WNK3: variants seen among roughly 807,000 people sequenced by gnomAD.
WNK3 encodes WNK lysine deficient protein kinase 3.
WNK3 carries 18 observed loss-of-function variants against 116.7 expected under a neutral mutation model. The ratio of observed to expected loss-of-function variants is 0.15; its 90% CI spans 0.11 to 0.23. The LOEUF (loss-of-function observed/expected upper bound fraction) is 0.23. WNK3 is among the 10% of genes least tolerant of loss of function. The pLI is 1.00. For synonymous variants in WNK3, 404 were observed against 469.4 expected, an observed-to-expected ratio of 0.86 and a Z score of 1.80; for missense variants, 993 against 1,323.8, an observed-to-expected ratio of 0.75 and a Z score of 3.88.
chrX:54,216,294 T>A (rs1233941630), intron 22 of WNK3, among the ~76,000 whole-genome samples: 3 of 73,923 alleles, frequency 4.1e-5, no homozygotes, highest in African/African-American at 2.1e-4. Context: ...AATACTAAAA[T>A]ATATATATAT....
intron 11 of WNK3, among the ~76,000 whole-genome samples, chrX:54,257,789 CAAAAAAAAAAAA>C (rs60655785): frequency 2.6e-4 from 4 of 15,664 alleles, no homozygotes; most frequent in African/African-American, 1.3e-3. Context: ...GACTCTGCCT[CAAAAAAAAAAAA>C]AAAAAAAAAA....
At chrX:54,308,849 T>C (rs11796717) in intron 4 of WNK3, among the ~76,000 whole-genome samples, 23 of 112,101 alleles carry the variant, frequency 2.1e-4, no homozygotes, top group Non-Finnish European at 3.8e-4. Flanking sequence ...GTAAACTGTT[T>C]AGGTTTTGCA....
At chrX:54,300,706 T>C (rs1189630311) in intron 6 of WNK3, among the ~76,000 whole-genome samples, 5 of 111,901 alleles carry the variant, frequency 4.5e-5, no homozygotes, top group African/African-American at 1.6e-4. Context: ...CTATATAGTG[T>C]TTTTAGCTTC....
At chrX:54,230,305 G>T (rs557518077) in intron 21 of WNK3, among the ~76,000 whole-genome samples, 1 of 110,974 alleles carries the variant, frequency 9.0e-6, no homozygotes, top group East Asian at 2.8e-4. Context: ...TTATCTCAAT[G>T]AAAATTTCAA....
intron 20 of WNK3, among the ~76,000 whole-genome samples, chrX:54,234,720 G>A (rs782185359): frequency 6.4e-5 from 7 of 108,861 alleles, no homozygotes; most frequent in Non-Finnish European, 1.1e-4. Context: ...CAGCTACTTG[G>A]GAGGCTGAGG....
chrX:54,237,075 T>A (rs1164114808), exon 20 of WNK3: 2 of 1,210,646 alleles, frequency 1.7e-6, no homozygotes, highest in Non-Finnish European at 2.2e-6. Context: ...CGTGGTGTGG[T>A]AAGCACTGAT....
chrX:54,311,028 T>C (rs1557169562), intron 3 of WNK3, 91 bp downstream of exon 3: 2 of 678,976 alleles, frequency 2.9e-6, no homozygotes, highest in African/African-American at 4.6e-5. Flanking sequence ...TTCTAAAAAT[T>C]CTTTGAGTAG....
intron 10 of WNK3, among the ~76,000 whole-genome samples, chrX:54,288,761 A>G (rs2068607462): frequency 9.0e-6 from 1 of 111,521 alleles, no homozygotes; most frequent in South Asian, 3.8e-4. Context: ...GTGTCTGTGT[A>G]TCTAAGGTTG....
rs192676193 is a variant in WNK3 at position 54,318,870 on chromosome X, G to A, written c.538-7579C>T. On this transcript the variant is annotated intron_variant, in intron 2 of 23. Transcript: ENST00000354646. Reference sequence around the variant, plus strand: ...CGGTTCACTGCAACCTCCACTTCCCGGGATCAAGCGATTCTCGTGCCTCAG... The same window carrying A: ...CGGTTCACTGCAACCTCCACTTCCCAGGATCAAGCGATTCTCGTGCCTCAG... Among the ~76,000 whole-genome samples, 403 of 109,337 alleles carry A rather than the reference G, an allele frequency of 3.7e-3. 4 individuals are homozygous for A. Among genetic ancestry groups the A allele is most frequent in the African/African-American group, 0.013 (385 of 30,060 alleles). 94.9% of individuals were successfully genotyped at this position (109,337 alleles called of 115,157 possible).
intron 22 of WNK3, among the ~76,000 whole-genome samples, chrX:54,214,122 G>A (rs950166651): frequency 2.7e-5 from 3 of 110,701 alleles, no homozygotes; most frequent in African/African-American, 6.6e-5. Flanking sequence ...GATTACAGGC[G>A]CGTGCCACCG....
At chrX:54,321,056 G>A (rs192156357) in intron 2 of WNK3, among the ~76,000 whole-genome samples, 2 of 108,914 alleles carry the variant, frequency 1.8e-5, no homozygotes, top group Admixed American at 2.0e-4. Context: ...GCCACCATGC[G>A]CCGCTAATTT....
chrX:54,356,213 C>G (rs2069591241), intron 1 of WNK3, among the ~76,000 whole-genome samples: 2 of 112,100 alleles, frequency 1.8e-5, no homozygotes, highest in African/African-American at 3.2e-5. Context: ...TTCACGTAAT[C>G]TGTTGTAATT....
chrX:54,239,108 GACAAAACAAA>G lies in WNK3; in HGVS notation c.3652-19_3652-10del, dbSNP rs56183922. On this transcript the variant is annotated splice_polypyrimidine_tract_variant and intron_variant, in intron 17 of 23. Transcript: ENST00000354646. ...GCATCTGAGGACATCTCCTAATGGA[GACAAAACAAA>G]ACAAAACAAAACAAAACAAAACAAA... 1,752 of 862,163 alleles carry G rather than the reference GACAAAACAAA, an allele frequency of 2.0e-3. 10 individuals are homozygous for G. Among genetic ancestry groups the G allele is most frequent in the African/African-American group, 0.011 (438 of 40,995 alleles). 71.1% of individuals were successfully genotyped at this position (862,163 alleles called of 1,213,427 possible).
chrX:54,208,644 G>A (rs781994455), intron 22 of WNK3, among the ~76,000 whole-genome samples: 2 of 111,877 alleles, frequency 1.8e-5, no homozygotes, highest in African/African-American at 3.2e-5. Flanking sequence ...CAAAGTGCTG[G>A]GAGTACAGGC....
intron 22 of WNK3, among the ~76,000 whole-genome samples, chrX:54,210,494 G>A (rs1449799120): frequency 9.0e-6 from 1 of 111,136 alleles, no homozygotes; most frequent in East Asian, 2.8e-4. Flanking sequence ...AGGCACAGTG[G>A]CACACGCCTA....
chrX:54,328,793 G>A (rs1377846168), intron 2 of WNK3, among the ~76,000 whole-genome samples: 1 of 111,197 alleles, frequency 9.0e-6, no homozygotes, highest in Non-Finnish European at 1.9e-5. Flanking sequence ...AATCACCTAG[G>A]GAACTTTTTT....
At chrX:54,216,370 A>C (rs1018121615) in intron 22 of WNK3, among the ~76,000 whole-genome samples, 1 of 108,171 alleles carries the variant, frequency 9.2e-6, no homozygotes, top group Admixed American at 1.0e-4. Flanking sequence ...ATTTGATTTC[A>C]CTCAAAGCTC....
chrX:54,296,153 G>C (rs1436512147), intron 7 of WNK3, among the ~76,000 whole-genome samples: 1 of 111,737 alleles, frequency 8.9e-6, no homozygotes, highest in Non-Finnish European at 1.9e-5. Context: ...GAGAAGAAAA[G>C]GTTCTGCCTC....
At chrX:54,215,601 C>T (rs1408001828) in intron 22 of WNK3, among the ~76,000 whole-genome samples, 3 of 111,984 alleles carry the variant, frequency 2.7e-5, no homozygotes, top group Admixed American at 9.5e-5. Context: ...AGCCTCTGCC[C>T]GGCCGCCACC....
Sources: gnomAD v4.1 joint callset for allele counts (sites outside exome capture counted in the v4.1 genomes callset) on GRCh38, gnomAD v4.1.1 for gene constraint, MANE v1.5 for transcripts, NCBI Gene and HGNC (gene_info 2026-07-23, HGNC 2026-07-21) for gene names.